The following TBCD variants were observed in gnomAD, a reference collection of about 807,000 sequenced individuals.
TBCD encodes the protein tubulin-specific chaperone D.
Under a neutral mutation model 169.3 loss-of-function variants are expected in TBCD, and 105 were observed. That is an observed-to-expected ratio of 0.62 (90% confidence interval 0.53 to 0.73). The LOEUF (loss-of-function observed/expected upper bound fraction) is 0.73, where lower values mean the gene tolerates loss of function less well. Ranked by LOEUF, TBCD falls within the 30% of genes least tolerant of loss-of-function variation. TBCD has a pLI of 0.00. For missense variants in TBCD, 1,444 were observed against 1,600.1 expected (o/e 0.90, Z 1.66); for synonymous variants, 700 against 643.9 (o/e 1.09, Z -1.32).
chr17:82,888,788 C>G (rs1334657111), intron 15 of TBCD, among the ~76,000 whole-genome samples: 3 of 152,248 alleles, frequency 2.0e-5, no homozygotes, highest in African/African-American at 7.2e-5. Context: ...CTCAACCTTG[C>G]TCTCAGGAAG....
intron 13 of TBCD, among the ~76,000 whole-genome samples, chr17:82,815,700 C>T (rs1036527463): frequency 2.6e-5 from 4 of 152,218 alleles, no homozygotes; most frequent in African/African-American, 9.6e-5. Flanking sequence ...AGGGCCTCAC[C>T]ACAGAGACTT....
chr17:82,813,262 A>G (rs1598655573), intron 12 of TBCD, among the ~76,000 whole-genome samples: 1 of 150,556 alleles, frequency 6.6e-6, no homozygotes, highest in South Asian at 2.1e-4. Context: ...GACACTCTTT[A>G]CCCGCCTCCT....
At chr17:82,822,539 G>A (rs1300865878) in intron 13 of TBCD, among the ~76,000 whole-genome samples, 2 of 152,162 alleles carry the variant, frequency 1.3e-5, no homozygotes, top group Non-Finnish European at 2.9e-5. Context: ...ACAGAAAAGC[G>A]CCTGGGGGCC....
chr17:82,850,305 G>A (rs1436284771), intron 13 of TBCD, among the ~76,000 whole-genome samples: 2 of 128,078 alleles, frequency 1.6e-5, no homozygotes, highest in African/African-American at 5.8e-5. Flanking sequence ...GTTGTTGGCT[G>A]TGCTCTTCTG....
In TBCD at chr17:82,780,954, C is replaced by CTT. The variant is rs1336203854; in HGVS notation, c.639-632_639-631dup. 5.3e-5 allele frequency among the ~76,000 whole-genome samples: 8 copies of CTT among 152,070 alleles called. No homozygotes were observed. The East Asian group carries it at 1.6e-3, about 30-fold the overall frequency. On this transcript the variant is annotated intron_variant, in intron 6 of 38. Coordinates refer to ENST00000355528, the MANE Select transcript of TBCD (RefSeq NM_005993.5). ...GCCACTGCGCCCGGCCAGATTTGGG[C>CTT]TTTTGGTTTGGGAGCTCTGTGTGCT...
chr17:82,785,799 A>AG (rs1323201528), intron 7 of TBCD, among the ~76,000 whole-genome samples: 2 of 138,276 alleles, frequency 1.4e-5, no homozygotes, highest in Admixed American at 7.1e-5. Flanking sequence ...TCGCAGCGGG[A>AG]GGGGGGTCCA....
intron 6 of TBCD, among the ~76,000 whole-genome samples, chr17:82,778,635 C>CTTT (rs766675944): frequency 7.0e-6 from 1 of 143,468 alleles, no homozygotes; most frequent in Non-Finnish European, 1.5e-5. Context: ...ATTTCTTTTT[C>CTTT]TTTTTTTTTT....
intron 6 of TBCD, among the ~76,000 whole-genome samples, chr17:82,772,997 A>G (rs551589738): frequency 5.9e-5 from 9 of 152,352 alleles, no homozygotes; most frequent in Non-Finnish European, 1.3e-4. Flanking sequence ...TTGGAAAGAT[A>G]CCAAGGATGT....
chr17:82,913,045 C>T (rs1220322100), intron 23 of TBCD: 1 of 152,334 alleles, frequency 6.6e-6, no homozygotes, highest in Non-Finnish European at 1.5e-5. Flanking sequence ...CTCCAGAGCA[C>T]ACGGTGCAGG....
chr17:82,927,310 G>A lies in TBCD; in HGVS notation c.2596G>A (p.Asp866Asn), dbSNP rs778076124. Residue 866 changes from aspartate (D) to asparagine (N), a missense_variant, in exon 29 of 39, where the codon GAC (aspartate) becomes AAC (asparagine). By Grantham distance (23) the Asp-to-Asn change is conservative. Transcript: ENST00000355528. ...MDDYTTDSRGDVGTWVRKAAM... is the reference protein window; with the variant it reads ...MDDYTTDSRGNVGTWVRKAAM... Reference sequence around the variant, plus strand: ...CGACTACACCACGGACAGCAGAGGGGACGTGGGCACCTGGTACGTACGTAG... The same window carrying A: ...CGACTACACCACGGACAGCAGAGGGAACGTGGGCACCTGGTACGTACGTAG... 2.5e-6 allele frequency: 4 copies of A among 1,613,928 alleles called. No homozygotes were observed. The Admixed American group carries it at 5.0e-5, about 20-fold the overall frequency.
In TBCD at chr17:82,831,540, G is replaced by A; in HGVS notation, c.1318+16606G>A. On this transcript the variant is annotated intron_variant, in intron 13 of 38. Transcript: ENST00000355528. The surrounding 1 kb of genome is among the most constrained non-coding windows in gnomAD (Gnocchi z 4.6). ...TAGAGGGATATTGCTGGAAAAACCT[G>A]TAGTGATCGTATGTGGCTGGAGATG... 1.2e-6 allele frequency: 2 copies of A among 1,614,186 alleles called. No homozygotes were observed. Among genetic ancestry groups the A allele is most frequent in the African/African-American group, 1.3e-5 (1 of 75,048 alleles).
chr17:82,847,447 TGAAAGTG>T (rs1189583258), intron 13 of TBCD, among the ~76,000 whole-genome samples: 13 of 147,648 alleles, frequency 8.8e-5, no homozygotes, highest in Non-Finnish European at 1.5e-4. Flanking sequence ...TGCAGAGAAA[TGAAAGTG>T]GAGTTGATTT....
intron 21 of TBCD, 71 bp from the exon 22 acceptor site, chr17:82,909,214 G>T: frequency 8.1e-7 from 1 of 1,229,508 alleles, no homozygotes; most frequent in South Asian, 1.5e-5. Flanking sequence ...TCTTGTTTTT[G>T]ACAGTTGTTA....
intron 22 of TBCD, among the ~76,000 whole-genome samples, chr17:82,909,638 C>T (rs570430223): frequency 1.1e-4 from 16 of 147,606 alleles, no homozygotes; most frequent in Admixed American, 4.0e-4. Context: ...GAGTGGGTGT[C>T]ACCCGGCCCG....
intron 13 of TBCD, among the ~76,000 whole-genome samples, chr17:82,836,561 C>T (rs1026092113): frequency 6.6e-6 from 1 of 152,074 alleles, no homozygotes; most frequent in East Asian, 1.9e-4. Flanking sequence ...CATTATTTCA[C>T]ATTGCTGATA....
intron 14 of TBCD, 136 bp downstream of exon 14, chr17:82,870,516 G>A (rs1238769248): frequency 1.1e-5 from 13 of 1,205,114 alleles, no homozygotes; most frequent in Non-Finnish European, 1.5e-5. Flanking sequence ...CTGTGACAAA[G>A]CCACCGCTTG....
Position 82,849,897 on chromosome 17 carries a change from G to T in TBCD, c.1319-20327G>T, listed in dbSNP as rs1236174588. On this transcript the variant is annotated intron_variant, in intron 13 of 38. Transcript: ENST00000355528. ...TTGAGGCTGTGCTGCTGTTGGCTGT[G>T]CTGTTGTTGGCTGTGCTGTTGTTGG... is the stretch of plus-strand genomic sequence containing the variant. 8.6e-5 allele frequency among the ~76,000 whole-genome samples: 13 copies of T among 151,014 alleles called. No homozygotes were observed. The East Asian group carries it at 9.6e-4, about 11-fold the overall frequency.
intron 7 of TBCD, among the ~76,000 whole-genome samples, chr17:82,792,650 T>C (rs147485435): frequency 2.6e-5 from 4 of 152,270 alleles, no homozygotes; most frequent in African/African-American, 9.6e-5. Flanking sequence ...GGTGCTGGGG[T>C]GTGGAGCTGG....
At chr17:82,891,732 G>A (rs1205188139) in intron 16 of TBCD, among the ~76,000 whole-genome samples, 3 of 152,156 alleles carry the variant, frequency 2.0e-5, no homozygotes, top group South Asian at 4.1e-4. Flanking sequence ...AGCAGGGATG[G>A]GGGGTGGTTG....
Sources: allele counts gnomAD v4.1 joint callset (sites outside exome capture counted in the v4.1 genomes callset), GRCh38; gene constraint gnomAD v4.1.1; non-coding constraint Gnocchi (gnomAD v3.1); transcripts MANE v1.5; gene names NCBI Gene and HGNC (gene_info 2026-07-23, HGNC 2026-07-21).